The following ETV3 variants were observed in gnomAD, a reference collection of about 807,000 sequenced individuals.
ETV3 encodes ETS translocation variant 3.
A neutral mutation model predicts 33.0 loss-of-function variants in ETV3; 8 were observed. That is an observed-to-expected ratio of 0.24 (90% CI 0.14 to 0.44). The LOEUF (loss-of-function observed/expected upper bound fraction) is 0.44. Ranked by LOEUF, ETV3 falls within the 20% of genes least tolerant of loss-of-function variation. The pLI, the probability that ETV3 is intolerant of heterozygous loss-of-function variation, is 1.00. For synonymous variants in ETV3, 222 were observed against 238.9 expected, an observed-to-expected ratio of 0.93 and a Z score of 0.65; for missense variants, 473 against 652.3, an observed-to-expected ratio of 0.73 and a Z score of 2.99.
In ETV3 at chr1:157,124,691, C is replaced by G. The variant is rs113116975; in HGVS notation, c.*150G>C. On this transcript the variant is annotated 3_prime_UTR_variant, in exon 5 of 5. Transcript: ENST00000368192. ...CCTAATTTACAACAGAAGATAACCCCATCCCATCCCCAAAACATAAAAATA... is the reference window on the plus strand; with the variant it reads ...CCTAATTTACAACAGAAGATAACCCGATCCCATCCCCAAAACATAAAAATA... The G allele has an allele frequency of 4.1e-5, 32 of 781,330 alleles. 1 individual carries two copies. The highest frequency in any genetic ancestry group is 3.3e-4 in the African/African-American group (19 of 57,458). 48.4% of individuals were successfully genotyped at this position (781,330 alleles called of 1,614,324 possible).
intron 4 of ETV3, among the ~76,000 whole-genome samples, chr1:157,129,847 G>A (rs189947753): frequency 1.3e-4 from 20 of 152,036 alleles, no homozygotes; most frequent in African/African-American, 2.9e-4. Flanking sequence ...ATCTAGTTTT[G>A]TTTTGTTTTT....
At chr1:157,127,680 G>C (rs1300294644) in intron 4 of ETV3, among the ~76,000 whole-genome samples, 4 of 151,900 alleles carry the variant, frequency 2.6e-5, no homozygotes, top group Admixed American at 2.6e-4. Context: ...GGAGTAGCTG[G>C]GATTACAGGT....
intron 4 of ETV3, 112 bp downstream of exon 4, chr1:157,134,000 A>G: frequency 6.7e-7 from 1 of 1,503,188 alleles, no homozygotes; most frequent in Non-Finnish European, 8.8e-7. Flanking sequence ...AAAGGATCAC[A>G]TTATTTTAGT....
At position 157,123,678 on chromosome 1, in the gene ETV3, T is replaced by G. The variant is rs537868174; in HGVS notation, c.*1163A>C. ...CTTTTGGCTACCCATCCCAACAATA[T>G]CAAGAGGGAATGACTAAGTATCAGC... On this transcript the variant is annotated 3_prime_UTR_variant, in exon 5 of 5. Coordinates refer to ENST00000368192, the MANE Select transcript of ETV3 (RefSeq NM_001145312.3). 7.9e-5 allele frequency: 12 copies of G among 152,258 alleles called. No individual in the cohort carries two copies. The South Asian group carries it at 2.5e-3, about 32-fold the overall frequency. The allele number at this position is 152,258 out of a possible 1,614,324, so 9.4% of individuals were successfully genotyped here.
At chr1:157,136,642 C>A (rs1675120189) in intron 1 of ETV3, among the ~76,000 whole-genome samples, 1 of 152,112 alleles carries the variant, frequency 6.6e-6, no homozygotes, top group Admixed American at 6.5e-5. Flanking sequence ...CTCCTCCTGA[C>A]CAACCCTTCA....
In ETV3 at chr1:157,125,352, G is replaced by A. The variant is rs1651219216; in HGVS notation, c.1028C>T (p.Ser343Phe). The A allele has an allele frequency of 6.4e-7, 1 of 1,551,968 alleles. No individual in the cohort carries two copies. Among genetic ancestry groups the A allele is most frequent in the African/African-American group, 1.4e-5 (1 of 73,170 alleles). The part of the protein sequence containing the change: ...QMHPEESTQF[S>F]IKLQPPPVGR... Reference sequence around the variant, plus strand: ...AACTGGTGGGGGCTGCAGCTTGATGGAGAACTGAGTTGACTCCTCAGGATG... The same window carrying A: ...AACTGGTGGGGGCTGCAGCTTGATGAAGAACTGAGTTGACTCCTCAGGATG... Residue 343 changes from serine to phenylalanine, a missense_variant, in exon 5 of 5, where the codon TCC (serine) becomes TTC (phenylalanine). Physicochemically the swap from Ser to Phe is radical, Grantham distance 155. Coordinates refer to ENST00000368192, the MANE Select transcript of ETV3 (RefSeq NM_001145312.3). The surrounding 1 kb of genome is among the most constrained non-coding windows in gnomAD (Gnocchi z 4.0).
chr1:157,125,121 C>T lies in ETV3; in HGVS notation c.1259G>A (p.Gly420Asp), dbSNP rs1430436652. The change falls in exon 5 of 5, where the codon GGC (glycine) becomes GAC (aspartate). Residue 420 changes from glycine to aspartate, a missense_variant. Around this residue, in one of 3 missense-constraint regions of ETV3, gnomAD observed 410 missense variants for 520.2 expected, o/e 0.79. Transcript: ENST00000368192. This position sits in a 1 kb window ranked among gnomAD's most constrained non-coding sequence, Gnocchi z 4.0. ...TGCAGCAGGACGGGCAAAGATGGTG[C>T]CTTTTTCCTCTTCAATGGTCCTGCT... ...VPSRTIEEEKGTIFARPAAPP... is the reference protein window; with the variant it reads ...VPSRTIEEEKDTIFARPAAPP... 2.6e-6 allele frequency: 4 copies of T among 1,547,750 alleles called. No homozygotes were observed. Among genetic ancestry groups the T allele is most frequent in the Non-Finnish European group, 2.6e-6 (3 of 1,144,912 alleles).
intron 4 of ETV3, among the ~76,000 whole-genome samples, chr1:157,127,191 C>T (rs1294613829): frequency 2.6e-5 from 4 of 152,220 alleles, no homozygotes; most frequent in Non-Finnish European, 5.9e-5. Context: ...GAAAGTAATG[C>T]ATTAAAAACT....
Position 157,123,385 on chromosome 1 carries a change from AAC to A in ETV3, c.*1454_*1455del, listed in dbSNP as rs1674748962. 1 of 152,206 alleles carries A rather than the reference AAC, an allele frequency of 6.6e-6. No homozygotes were observed. Among genetic ancestry groups the A allele is most frequent in the African/African-American group, 2.4e-5 (1 of 41,458 alleles). 9.4% of individuals were successfully genotyped at this position (152,206 alleles called of 1,614,324 possible). ...GCTGGAAGGACATTTCCCAGGAAGA[AAC>A]AATTCCTCACTGCCTATAAACTGTA... is the stretch of plus-strand genomic sequence containing the variant. On this transcript the variant is annotated 3_prime_UTR_variant, in exon 5 of 5. Coordinates refer to ENST00000368192, the MANE Select transcript of ETV3 (RefSeq NM_001145312.3).
At chr1:157,133,702 G>C in intron 4 of ETV3, 3 of 997,460 alleles carry the variant, frequency 3.0e-6, no homozygotes, top group Non-Finnish European at 3.6e-6. Context: ...CTTGATAAGG[G>C]AGAGCTTGGT....
rs1021540457 is a variant in ETV3, at chr1:157,122,321, C to T, written c.*2520G>A. On this transcript the variant is annotated 3_prime_UTR_variant, in exon 5 of 5. Coordinates refer to ENST00000368192, the MANE Select transcript of ETV3 (RefSeq NM_001145312.3). ...CCCACTTCCTGAGCAACCCCAGGTT[C>T]GGCTCTGTATAAGGACCCTCCCCTC... The T allele has an allele frequency of 1.4e-4, 22 of 152,196 alleles. No homozygotes were observed. The highest frequency in any genetic ancestry group is 4.3e-4 in the African/African-American group (18 of 41,518). The allele number at this position is 152,196 out of a possible 1,614,324, so 9.4% of individuals were successfully genotyped here.
chr1:157,125,615 G>C lies in ETV3; in HGVS notation c.765C>G (p.Arg255=). Residue 255 remains arginine (R), a synonymous_variant, in exon 5 of 5, where the codon CGC becomes CGG. Transcript: ENST00000368192. This position sits in a 1 kb window ranked among gnomAD's most constrained non-coding sequence, Gnocchi z 4.0. ...AAATGGGGACATTAAGGACACCTCCGCGGCCAGGGATTGGAGAGACAGCGA... is the reference window on the plus strand; with the variant it reads ...AAATGGGGACATTAAGGACACCTCCCCGGCCAGGGATTGGAGAGACAGCGA... ...SPFAVSPIPG[R]GGVLNVPISP... 6.4e-7 allele frequency: 1 copy of C among 1,551,762 alleles called. No individual in the cohort carries two copies. Among genetic ancestry groups the C allele is most frequent in the Non-Finnish European group, 8.7e-7 (1 of 1,147,016 alleles).
intron 3 of ETV3, 89 bp from the exon 4 acceptor site, chr1:157,134,316 G>A: frequency 6.6e-7 from 1 of 1,508,570 alleles, no homozygotes; most frequent in South Asian, 1.3e-5. Context: ...AACAATTCTT[G>A]CTCTGAGTAT....
At position 157,124,417 on chromosome 1, in the gene ETV3, GC is replaced by G. The variant is rs1377521249; in HGVS notation, c.*423del. 6.4e-6 allele frequency: 1 copy of G among 156,672 alleles called. No individual in the cohort carries two copies. Among genetic ancestry groups the G allele is most frequent in the Non-Finnish European group, 1.4e-5 (1 of 71,156 alleles). The allele number at this position is 156,672 out of a possible 1,614,324, so 9.7% of individuals were successfully genotyped here. On this transcript the variant is annotated 3_prime_UTR_variant, in exon 5 of 5. Transcript: ENST00000368192. The stretch of plus-strand genomic sequence containing the variant: ...TCTTACTGCTCAACCTCCCAACCAT[GC>G]CCTTTTCCCTTTTATGTGTATCTCT...
chr1:157,122,765 A>C lies in ETV3; in HGVS notation c.*2076T>G, dbSNP rs888993507. On this transcript the variant is annotated 3_prime_UTR_variant, in exon 5 of 5. Coordinates refer to ENST00000368192, the MANE Select transcript of ETV3 (RefSeq NM_001145312.3). ...GGGCTTGCTTTCTGATTCAGAGGTA[A>C]GTCGAAGTGCAGAGAAAGAAACTTA... 1 of 152,252 alleles carries C rather than the reference A, an allele frequency of 6.6e-6. No homozygotes were observed. Among genetic ancestry groups the C allele is most frequent in the Non-Finnish European group, 1.5e-5 (1 of 68,060 alleles). The allele number at this position is 152,252 out of a possible 1,614,324, so 9.4% of individuals were successfully genotyped here. A position where few individuals can be genotyped will look rare whatever the true frequency, so the allele number is the denominator to read the frequency against.
chr1:157,124,899 T>C lies in ETV3; in HGVS notation c.1481A>G (p.Lys494Arg), dbSNP rs868783613. Residue 494 changes from lysine to arginine, a missense_variant, in exon 5 of 5, where the codon AAG (lysine) becomes AGG (arginine). Lys to Arg is a conservative substitution (Grantham distance 26, BLOSUM62 2). Around this residue, in one of 3 missense-constraint regions of ETV3, gnomAD observed 410 missense variants for 520.2 expected, o/e 0.79. Transcript: ENST00000368192. ...GGGTCCTGACCCATTCCAGAGAAAC[T>C]TGCCACTCTTGCTCAGCTCTCGGGC... The part of the protein sequence containing the change: ...PEARELSKSG[K>R]FLWNGSGPQG... 5 of 1,551,574 alleles carry C rather than the reference T, an allele frequency of 3.2e-6. No homozygotes were observed. The highest frequency in any genetic ancestry group is 2.4e-5 in the East Asian group (1 of 40,916).
chr1:157,125,815 T>A lies in ETV3; in HGVS notation c.565A>T (p.Thr189Ser). Residue 189 changes from threonine (T) to serine (S), a missense_variant, in exon 5 of 5, where the codon ACT becomes TCT. Physicochemically the swap from Thr to Ser is moderately conservative, Grantham distance 58 (BLOSUM62 1). Transcript: ENST00000368192. The surrounding 1 kb of genome is among the most constrained non-coding windows in gnomAD (Gnocchi z 4.0). ...QESSNGTDRK[T>S]ELSELEDGSA... ...CCATCCTCCAGCTCTGAAAGCTCAG[T>A]CTTTCTATCAGTACCATTACTGGAC... The A allele has an allele frequency of 6.4e-7, 1 of 1,551,636 alleles. No homozygotes were observed. The highest frequency in any genetic ancestry group is 8.7e-7 in the Non-Finnish European group (1 of 1,146,992).
chr1:157,133,850 G>T lies in ETV3; in HGVS notation c.400+262C>A, dbSNP rs908473705. 3 of 1,260,822 alleles carry T rather than the reference G, an allele frequency of 2.4e-6. No individual in the cohort carries two copies. The African/African-American group carries it at 4.7e-5, about 20-fold the overall frequency. The allele number at this position is 1,260,822 out of a possible 1,614,324, so 78.1% of individuals were successfully genotyped here. On this transcript the variant is annotated intron_variant, in intron 4 of 4. Coordinates refer to ENST00000368192, the MANE Select transcript of ETV3 (RefSeq NM_001145312.3). The stretch of plus-strand genomic sequence containing the variant: ...AAACATCATTCCCAAACAAGATAGC[G>T]TAATAGTATCTAGGAGATTACAAAC...
At chr1:157,130,531 G>C (rs1674946318) in intron 4 of ETV3, among the ~76,000 whole-genome samples, 1 of 152,172 alleles carries the variant, frequency 6.6e-6, no homozygotes, top group Non-Finnish European at 1.5e-5. Context: ...CCACCTTGTA[G>C]CCTAGTACAA....
Sources: gnomAD v4.1 joint callset for allele counts (sites outside exome capture counted in the v4.1 genomes callset) on GRCh38, gnomAD v4.1.1 for gene constraint, gnomAD v4.1.1 regional missense constraint, Gnocchi (gnomAD v3.1) non-coding constraint, MANE v1.5 for transcripts, NCBI Gene and HGNC (gene_info 2026-07-23, HGNC 2026-07-21) for gene names.